CCDC83: variants seen among roughly 807,000 people sequenced by gnomAD.
CCDC83 encodes coiled-coil domain-containing protein 83.
A neutral mutation model predicts 50.1 loss-of-function variants in CCDC83; 54 were observed. The ratio of observed to expected loss-of-function variants is 1.08; its 90% CI spans 0.87 to 1.35. The LOEUF (loss-of-function observed/expected upper bound fraction) is 1.35, where lower values mean the gene tolerates loss of function less well. CCDC83 is among the 40% of genes most tolerant of loss of function. The probability of loss-of-function intolerance (pLI) is 0.00; values close to 1 mark genes in which losing one functional copy is unlikely to be tolerated. For missense variants in CCDC83, 518 were observed against 473.9 expected (o/e 1.09, Z -0.86); for synonymous variants, 161 against 153.3 (o/e 1.05, Z -0.37).
intron 8 of CCDC83, among the ~76,000 whole-genome samples, chr11:85,913,121 T>C (rs1381567132): frequency 6.6e-6 from 1 of 152,194 alleles, no homozygotes; most frequent in Non-Finnish European, 1.5e-5. Flanking sequence ...CTGAGAGTAA[T>C]AGAATGCTTA....
At chr11:85,867,843 C>A (rs2093216375) in intron 2 of CCDC83, among the ~76,000 whole-genome samples, 1 of 152,190 alleles carries the variant, frequency 6.6e-6, no homozygotes, top group African/African-American at 2.4e-5. Context: ...TACCCTTGTT[C>A]TTTTGTATTT....
rs766257598 is a variant in CCDC83 at position 85,919,720 on chromosome 11, T to C, written c.*210T>C. 3.3e-5 allele frequency: 17 copies of C among 512,540 alleles called. No homozygotes were observed. The highest frequency in any genetic ancestry group is 5.8e-5 in the Non-Finnish European group (17 of 291,790). The allele number at this position is 512,540 out of a possible 1,614,324, so 31.7% of individuals were successfully genotyped here. A position where few individuals can be genotyped will look rare whatever the true frequency, so the allele number is the denominator to read the frequency against. On this transcript the variant is annotated 3_prime_UTR_variant, in exon 11 of 11. Coordinates refer to ENST00000342404, the MANE Select transcript of CCDC83 (RefSeq NM_001286159.2). ...CCAAAACGGAAGCACGCTTTGTATT[T>C]CTACACTGAAGTATTCAGAAGCATG...
chr11:85,911,726 G>A (rs1306455293), intron 8 of CCDC83, among the ~76,000 whole-genome samples: 1 of 152,240 alleles, frequency 6.6e-6, no homozygotes. Flanking sequence ...ATAACAGTAC[G>A]GCAGAAGATA....
At chr11:85,876,346 G>A (rs753546766) in intron 3 of CCDC83, among the ~76,000 whole-genome samples, 7 of 151,968 alleles carry the variant, frequency 4.6e-5, no homozygotes, top group South Asian at 4.2e-4. Context: ...ATGTACAAAC[G>A]GAAATGAATA....
intron 3 of CCDC83, among the ~76,000 whole-genome samples, chr11:85,881,314 A>G (rs1259741682): frequency 6.6e-6 from 1 of 152,078 alleles, no homozygotes; most frequent in African/African-American, 2.4e-5. Flanking sequence ...TGGAGGTTGC[A>G]GTGAGCCAAG....
intron 1 of CCDC83, among the ~76,000 whole-genome samples, chr11:85,856,497 G>C (rs182375856): frequency 1.2e-4 from 18 of 152,300 alleles, no homozygotes; most frequent in Admixed American, 2.0e-4. Context: ...GGTTACTAGA[G>C]AAGTTAGTGT....
In CCDC83 at chr11:85,865,102, T is replaced by A. The variant is rs747929865; in HGVS notation, c.-22T>A. On this transcript the variant is annotated 5_prime_UTR_variant, in exon 2 of 11. Transcript: ENST00000342404. Reference sequence around the variant, plus strand: ...ATGTCTCCTTTCTAAACAGGTATATTTCTTCATAGCTAACCAGCACAATGG... The same window carrying A: ...ATGTCTCCTTTCTAAACAGGTATATATCTTCATAGCTAACCAGCACAATGG... The A allele has an allele frequency of 4.6e-6, 7 of 1,513,818 alleles. No homozygotes were observed. The African/African-American group carries it at 9.7e-5, about 21-fold the overall frequency. The allele number at this position is 1,513,818 out of a possible 1,614,324, so 93.8% of individuals were successfully genotyped here.
chr11:85,893,397 T>C (rs2093358775), intron 5 of CCDC83, among the ~76,000 whole-genome samples: 1 of 152,178 alleles, frequency 6.6e-6, no homozygotes, highest in Admixed American at 6.5e-5. Flanking sequence ...GCTGGGCTCC[T>C]GGTCAATTGA....
chr11:85,912,588 G>A, intron 8 of CCDC83: 1 of 944,094 alleles, frequency 1.1e-6, no homozygotes, highest in Admixed American at 1.7e-5. Flanking sequence ...CCTAGGGGTA[G>A]GTGCTCACTG....
chr11:85,904,037 A>C (rs2093414228), intron 7 of CCDC83, among the ~76,000 whole-genome samples: 1 of 151,972 alleles, frequency 6.6e-6, no homozygotes, highest in Non-Finnish European at 1.5e-5. Context: ...TAAAAAAATA[A>C]AATAAATGAA....
rs1428971524 is a variant in CCDC83 at position 85,866,871 on chromosome 11, G to A, written c.95+1653G>A. Among the ~76,000 whole-genome samples the A allele has an allele frequency of 2.0e-5, 3 of 152,158 alleles. No individual in the cohort carries two copies. In the East Asian group the frequency reaches 5.8e-4, roughly 29 times the overall value. On this transcript the variant is annotated intron_variant, in intron 2 of 10. Transcript: ENST00000342404. ...GAAGAGCATGACTTATGGAAGACAGGAGGGTAGGAAAGAGCTTATCACAGG... is the reference window on the plus strand; with the variant it reads ...GAAGAGCATGACTTATGGAAGACAGAAGGGTAGGAAAGAGCTTATCACAGG...
At chr11:85,862,759 C>A (rs552302854) in intron 1 of CCDC83, among the ~76,000 whole-genome samples, 16 of 152,076 alleles carry the variant, frequency 1.1e-4, no homozygotes, top group African/African-American at 3.9e-4. Flanking sequence ...TATGAAAGTC[C>A]CCATGATTTA....
intron 4 of CCDC83, among the ~76,000 whole-genome samples, chr11:85,885,965 C>T (rs2093324789): frequency 6.6e-6 from 1 of 152,172 alleles, no homozygotes; most frequent in Admixed American, 6.5e-5. Flanking sequence ...TTCAATCAAC[C>T]CTCAAACCAC....
Position 85,915,444 on chromosome 11 carries a change from G to A in CCDC83, c.820G>A (p.Gly274Arg). 6.2e-7 allele frequency: 1 copy of A among 1,613,158 alleles called. No homozygotes were observed. Among genetic ancestry groups the A allele is most frequent in the African/African-American group, 1.3e-5 (1 of 74,978 alleles). ...PRRLYLTQAA[G>R]LEVPPEEMSL... ...GCGACTATATCTTACCCAAGCTGCT[G>A]GACTAGAAGTGCCACCTGAAGAAAT... The change falls in exon 9 of 11, where the codon GGA (glycine) becomes AGA (arginine). Residue 274 changes from glycine (G) to arginine (R), a missense_variant. By Grantham distance (125) the Gly-to-Arg change is moderately radical. Coordinates refer to ENST00000342404, the MANE Select transcript of CCDC83 (RefSeq NM_001286159.2).
intron 9 of CCDC83, 111 bp from the exon 10 acceptor site, chr11:85,915,917 T>A (rs2093475189): frequency 1.2e-5 from 9 of 740,356 alleles, no homozygotes; most frequent in Non-Finnish European, 1.8e-5. Flanking sequence ...AATTCTACAT[T>A]TGCAATTCTC....
intron 3 of CCDC83, among the ~76,000 whole-genome samples, chr11:85,876,116 C>G (rs891076889): frequency 6.6e-6 from 1 of 152,174 alleles, no homozygotes; most frequent in African/African-American, 2.4e-5. Flanking sequence ...TTAACTACTT[C>G]ACTGACCATT....
At chr11:85,860,941 T>C (rs2093172577) in intron 1 of CCDC83, among the ~76,000 whole-genome samples, 1 of 151,550 alleles carries the variant, frequency 6.6e-6, no homozygotes, top group Non-Finnish European at 1.5e-5. Flanking sequence ...TGAATAAACA[T>C]GAACACAAAG....
intron 1 of CCDC83, among the ~76,000 whole-genome samples, chr11:85,864,826 G>A (rs1445294578): frequency 6.6e-6 from 1 of 152,190 alleles, no homozygotes; most frequent in Non-Finnish European, 1.5e-5. Context: ...ACGGGCAACA[G>A]ATATAGATGA....
Position 85,915,427 on chromosome 11 carries a change from A to T in CCDC83, c.803A>T (p.Tyr268Phe), listed in dbSNP as rs371496211. 52 of 1,612,366 alleles carry T rather than the reference A, an allele frequency of 3.2e-5. No individual in the cohort carries two copies. The African/African-American group carries it at 6.8e-4, about 21-fold the overall frequency. The part of the protein sequence containing the change: ...LVDLKIPRRL[Y>F]LTQAAGLEVP... Reference sequence around the variant, plus strand: ...CTCATTTGTTCTTTTAGGCGACTATATCTTACCCAAGCTGCTGGACTAGAA... The same window carrying T: ...CTCATTTGTTCTTTTAGGCGACTATTTCTTACCCAAGCTGCTGGACTAGAA... Residue 268 changes from tyrosine (Y) to phenylalanine (F), a missense_variant, in exon 9 of 11, where the codon TAT (tyrosine) becomes TTT (phenylalanine). Tyr to Phe is a conservative substitution (Grantham distance 22). Coordinates refer to ENST00000342404, the MANE Select transcript of CCDC83 (RefSeq NM_001286159.2).
Sources: allele counts gnomAD v4.1 joint callset (sites outside exome capture counted in the v4.1 genomes callset), GRCh38; gene constraint gnomAD v4.1.1; transcripts MANE v1.5; gene names NCBI Gene and HGNC (gene_info 2026-07-23, HGNC 2026-07-21).